AGBL3: variants seen among roughly 807,000 people sequenced by gnomAD.
The protein encoded by AGBL3 is AGBL carboxypeptidase 3.
Under a neutral mutation model 94.5 loss-of-function variants are expected in AGBL3, and 68 were observed. The observed-to-expected ratio is 0.72, with a 90% CI of 0.59 to 0.88. The LOEUF (loss-of-function observed/expected upper bound fraction) is 0.88. Ranked by LOEUF, AGBL3 falls within the 40% of genes least tolerant of loss-of-function variation. The pLI, the probability that AGBL3 is intolerant of heterozygous loss-of-function variation, is 0.00. For synonymous variants in AGBL3, 354 were observed against 370.7 expected, an observed-to-expected ratio of 0.95 and a Z score of 0.52; for missense variants, 934 against 1,103.8, an observed-to-expected ratio of 0.85 and a Z score of 2.18.
intron 12 of AGBL3, among the ~76,000 whole-genome samples, chr7:135,065,716 AC>A (rs1782565535): frequency 6.6e-6 from 1 of 152,122 alleles, no homozygotes; most frequent in African/African-American, 2.4e-5. Flanking sequence ...ACAGAGTGAG[AC>A]CCCACCTCTA....
At position 135,044,041 on chromosome 7, in the gene AGBL3, G is replaced by C. The variant is rs1408592506; in HGVS notation, c.1517G>C (p.Cys506Ser). The C allele has an allele frequency of 2.6e-6, 4 of 1,548,358 alleles. No homozygotes were observed. The highest frequency in any genetic ancestry group is 3.5e-6 in the Non-Finnish European group (4 of 1,144,696). Residue 506 changes from cysteine to serine, a missense_variant, in exon 9 of 17, where the codon TGC becomes TCC. Transcript: ENST00000436302. ...NCPDKFSFSA[C>S]KFNVQKSKEG... ...GCTTTTCAGTTTTCATTCTCAGCTT[G>C]CAAGTTTAATGTCCAGAAGAGCAAA...
intron 1 of AGBL3, among the ~76,000 whole-genome samples, chr7:134,987,300 T>G (rs1209063394): frequency 6.6e-6 from 1 of 152,224 alleles, no homozygotes; most frequent in Non-Finnish European, 1.5e-5. Flanking sequence ...TCCCTGGTCT[T>G]GATATTACCC....
chr7:135,068,414 T>C (rs188441763), intron 12 of AGBL3, among the ~76,000 whole-genome samples: 197 of 151,860 alleles, frequency 1.3e-3, no homozygotes, highest in African/African-American at 4.6e-3. Flanking sequence ...GAGAAGAGCA[T>C]CTCCAAGACA....
chr7:135,117,425 A>G (rs778444384), intron 16 of AGBL3, among the ~76,000 whole-genome samples: 10 of 152,228 alleles, frequency 6.6e-5, no homozygotes, highest in Non-Finnish European at 1.5e-4. Flanking sequence ...ATAATTCTGC[A>G]AACTCTTACA....
chr7:135,040,885 C>CAGCACACA (rs60759991), intron 8 of AGBL3, among the ~76,000 whole-genome samples: 4 of 120,974 alleles, frequency 3.3e-5, no homozygotes, highest in African/African-American at 7.0e-5. Flanking sequence ...CACACACACA[C>CAGCACACA]CACACACACA....
At chr7:135,093,399 G>C (rs1195217144) in intron 15 of AGBL3, 1 of 152,214 alleles carries the variant, frequency 6.6e-6, no homozygotes, top group East Asian at 1.9e-4. Flanking sequence ...TGAATGAACT[G>C]TATGGTATGT....
intron 8 of AGBL3, 66 bp downstream of exon 8, chr7:135,037,646 GC>G: frequency 1.5e-6 from 2 of 1,328,174 alleles, no homozygotes; most frequent in East Asian, 2.7e-5. Context: ...TAGCAGAATG[GC>G]CCACGTGGAT....
intron 11 of AGBL3, among the ~76,000 whole-genome samples, chr7:135,054,598 T>C (rs762751043): frequency 6.6e-6 from 1 of 152,190 alleles, no homozygotes; most frequent in Non-Finnish European, 1.5e-5. Flanking sequence ...GCACATTGAA[T>C]CAGATATTGT....
intron 13 of AGBL3, 133 bp from the exon 14 acceptor site, chr7:135,080,070 G>A: frequency 3.2e-6 from 2 of 634,304 alleles, no homozygotes; most frequent in Non-Finnish European, 5.2e-6. Context: ...GATAATTTTG[G>A]TCATTCTAAA....
chr7:135,002,634 T>TTC (rs1811863410), intron 4 of AGBL3, among the ~76,000 whole-genome samples: 1 of 152,172 alleles, frequency 6.6e-6, no homozygotes, highest in Admixed American at 6.5e-5. Flanking sequence ...GTCTTAGAGG[T>TTC]TATCTCCCAG....
Position 135,034,329 on chromosome 7 carries a change from A to G in AGBL3, c.738A>G (p.Glu246=). The part of the protein sequence containing the change: ...SRGMRPLFYS[E]KEAKAHHIGW... ...GTATGCGCCCACTGTTCTATTCTGA[A>G]AAAGAGGCCAAGGCTCATCACATTG... The change falls in exon 7 of 17, where the codon GAA becomes GAG. Residue 246 remains glutamate, a synonymous_variant. Transcript: ENST00000436302. 1 of 1,551,708 alleles carries G rather than the reference A, an allele frequency of 6.4e-7. No individual in the cohort carries two copies. Among genetic ancestry groups the G allele is most frequent in the East Asian group, 2.4e-5 (1 of 40,918 alleles).
intron 16 of AGBL3, chr7:135,129,099 C>G: frequency 6.3e-7 from 1 of 1,584,864 alleles, no homozygotes; most frequent in Non-Finnish European, 8.7e-7. Flanking sequence ...CACTACTGGT[C>G]AGGTCAAAGA....
At chr7:135,006,867 A>T (rs1474465980) in intron 4 of AGBL3, among the ~76,000 whole-genome samples, 2 of 151,930 alleles carry the variant, frequency 1.3e-5, no homozygotes, top group Admixed American at 6.6e-5. Flanking sequence ...TAGAAGACTA[A>T]GAGGATGTAA....
intron 12 of AGBL3, among the ~76,000 whole-genome samples, chr7:135,075,401 C>T (rs867186494): frequency 3.3e-5 from 5 of 152,182 alleles, no homozygotes; most frequent in South Asian, 2.1e-4. Context: ...CAAGTTGATG[C>T]ATACATCCAT....
intron 4 of AGBL3, among the ~76,000 whole-genome samples, chr7:135,005,760 T>G (rs1415723274): frequency 6.6e-6 from 1 of 151,860 alleles, no homozygotes; most frequent in Non-Finnish European, 1.5e-5. Flanking sequence ...TAGAAGAGAA[T>G]AGAGAACTCA....
chr7:135,011,266 A>G (rs569389511), intron 4 of AGBL3: 1 of 152,204 alleles, frequency 6.6e-6, no homozygotes, highest in African/African-American at 2.4e-5. Context: ...ACAAAAGTCC[A>G]TTTTAAATGG....
chr7:135,060,913 C>A (rs1012172548), intron 12 of AGBL3, among the ~76,000 whole-genome samples: 1 of 152,092 alleles, frequency 6.6e-6, no homozygotes, highest in Non-Finnish European at 1.5e-5. Flanking sequence ...GATATAGACT[C>A]AGTAGTGGGA....
chr7:134,995,953 C>G (rs1421038370), intron 4 of AGBL3, among the ~76,000 whole-genome samples: 2 of 152,196 alleles, frequency 1.3e-5, no homozygotes, highest in Non-Finnish European at 2.9e-5. Context: ...TCCTTGATGG[C>G]TTTTTCCACC....
At chr7:135,083,530 G>T (rs2116867120) in intron 15 of AGBL3, among the ~76,000 whole-genome samples, 1 of 151,762 alleles carries the variant, frequency 6.6e-6, no homozygotes, top group Admixed American at 6.6e-5. Flanking sequence ...CATTCTCTAA[G>T]AAAAAGAACA....
Sources: allele counts gnomAD v4.1 joint callset (sites outside exome capture counted in the v4.1 genomes callset), GRCh38; gene constraint gnomAD v4.1.1; transcripts MANE v1.5; gene names NCBI Gene and HGNC (gene_info 2026-07-23, HGNC 2026-07-21).